FOXP1: variants seen among roughly 807,000 people sequenced by gnomAD.
The protein encoded by FOXP1 is forkhead box protein P1.
Under a neutral mutation model 98.2 loss-of-function variants are expected in FOXP1, and 15 were observed. The ratio of observed to expected loss-of-function variants is 0.15; its 90% confidence interval spans 0.10 to 0.24. FOXP1 has a LOEUF of 0.24. Ranked by LOEUF, FOXP1 falls within the 10% of genes least tolerant of loss-of-function variation. The pLI is 1.00. For missense variants in FOXP1, 633 were observed against 848.5 expected (o/e 0.75, Z 3.15); for synonymous variants, 371 against 314.5 (o/e 1.18, Z -1.90).
intron 2 of FOXP1, among the ~76,000 whole-genome samples, chr3:71,502,980 G>GAA (rs3037713): frequency 0.015 from 2,073 of 141,380 alleles, 33 homozygotes; most frequent in African/African-American, 0.03. Context: ...TTTACAATTA[G>GAA]AAAAAAAAAA....
intron 5 of FOXP1, among the ~76,000 whole-genome samples, chr3:71,261,541 GA>G (rs1187259644): frequency 1.3e-5 from 2 of 152,026 alleles, no homozygotes; most frequent in African/African-American, 2.4e-5. Context: ...AAATTAACAA[GA>G]TTTTTTTTTC....
intron 2 of FOXP1, among the ~76,000 whole-genome samples, chr3:71,549,860 TAAAAAAA>T (rs55826932): frequency 3.3e-5 from 2 of 59,944 alleles, no homozygotes; most frequent in African/African-American, 1.2e-4. Flanking sequence ...ATGCTGGGAG[TAAAAAAA>T]AAAAAAAAAA....
At chr3:71,068,063 C>T (rs913056742) in intron 7 of FOXP1, among the ~76,000 whole-genome samples, 1 of 149,666 alleles carries the variant, frequency 6.7e-6, no homozygotes. Flanking sequence ...GGTAAGCCAA[C>T]GTTTAAGGAA....
chr3:71,385,897 CG>C (rs1186849860), intron 3 of FOXP1, among the ~76,000 whole-genome samples: 1 of 152,150 alleles, frequency 6.6e-6, no homozygotes, highest in Non-Finnish European at 1.5e-5. Flanking sequence ...TGACTATCTT[CG>C]TAACCTCTAG....
chr3:71,513,945 C>T (rs1025120904), intron 2 of FOXP1, among the ~76,000 whole-genome samples: 1 of 152,224 alleles, frequency 6.6e-6, no homozygotes, highest in Non-Finnish European at 1.5e-5. Context: ...GCTTTCTTTC[C>T]ATTTCTAATA....
chr3:71,568,256 G>A (rs889590515), intron 2 of FOXP1, among the ~76,000 whole-genome samples: 1 of 152,260 alleles, frequency 6.6e-6, no homozygotes. Flanking sequence ...TGCTTCCTGA[G>A]GAATTTGAAC....
At chr3:71,213,119 C>T (rs2064626155) in intron 5 of FOXP1, among the ~76,000 whole-genome samples, 2 of 152,042 alleles carry the variant, frequency 1.3e-5, no homozygotes, top group South Asian at 4.1e-4. Flanking sequence ...AATAACACTC[C>T]CAAACAAATG....
intron 5 of FOXP1, among the ~76,000 whole-genome samples, chr3:71,264,057 C>T (rs1229797325): frequency 6.6e-6 from 1 of 152,046 alleles, no homozygotes; most frequent in East Asian, 1.9e-4. Context: ...AGCCAGGAAA[C>T]CCAGATTCAG....
chr3:71,253,978 C>T (rs2068427862), intron 5 of FOXP1, among the ~76,000 whole-genome samples: 1 of 152,112 alleles, frequency 6.6e-6, no homozygotes, highest in African/African-American at 2.4e-5. Context: ...AACATGTACA[C>T]CTTACAAATT....
chr3:71,187,693 G>T (rs1039220125), intron 6 of FOXP1, among the ~76,000 whole-genome samples: 1 of 152,138 alleles, frequency 6.6e-6, no homozygotes, highest in Non-Finnish European at 1.5e-5. Context: ...GAAATTGAAT[G>T]AGAAAAATCA....
chr3:70,990,406 C>T (rs2040425579), intron 13 of FOXP1, among the ~76,000 whole-genome samples: 1 of 152,172 alleles, frequency 6.6e-6, no homozygotes, highest in African/African-American at 2.4e-5. Context: ...ACTAACTGCT[C>T]CTTCCAAAAG....
intron 6 of FOXP1, among the ~76,000 whole-genome samples, chr3:71,181,773 C>T (rs2062310155): frequency 6.6e-6 from 1 of 152,078 alleles, no homozygotes; most frequent in Non-Finnish European, 1.5e-5. Context: ...TGGCTCACGC[C>T]TGTAATCCCA....
At chr3:71,236,202 A>T (rs1360436667) in intron 5 of FOXP1, among the ~76,000 whole-genome samples, 1 of 152,210 alleles carries the variant, frequency 6.6e-6, no homozygotes, top group African/African-American at 2.4e-5. Context: ...TGCAAATCCA[A>T]GTTCTCTAAA....
chr3:70,966,261 G>A, intron 19 of FOXP1: 2 of 593,646 alleles, frequency 3.4e-6, no homozygotes, highest in Admixed American at 2.5e-5. Flanking sequence ...AGCTAACTGG[G>A]GGCCAGGGGG....
intron 2 of FOXP1, among the ~76,000 whole-genome samples, chr3:71,534,919 A>T (rs899615917): frequency 1.3e-5 from 2 of 152,230 alleles, no homozygotes; most frequent in African/African-American, 4.8e-5. Context: ...TATGAGGGAC[A>T]CATACGTGGC....
intron 3 of FOXP1, among the ~76,000 whole-genome samples, chr3:71,463,808 C>T (rs2088412439): frequency 6.6e-6 from 1 of 152,004 alleles, no homozygotes; most frequent in Non-Finnish European, 1.5e-5. Context: ...TTGGCTAGGA[C>T]CAAGAACAGC....
rs535166786 is a variant in FOXP1 at position 71,136,213 on chromosome 3, A to G, written c.181-23576T>C. Among the ~76,000 whole-genome samples, 13 of 152,360 alleles carry G rather than the reference A, an allele frequency of 8.5e-5. No homozygotes were observed. The East Asian group carries it at 2.5e-3, about 29-fold the overall frequency. On this transcript the variant is annotated intron_variant, in intron 6 of 20. Transcript: ENST00000649528. ...AATCTGAGAAGTCTTATCACTGGAA[A>G]TGTGTTATTTTCATATTATTCAAGA... is the stretch of plus-strand genomic sequence containing the variant.
chr3:71,551,135 T>TAA (rs1280846364), intron 2 of FOXP1, among the ~76,000 whole-genome samples: 1 of 152,184 alleles, frequency 6.6e-6, no homozygotes, highest in Non-Finnish European at 1.5e-5. Context: ...GCTTTAGTGT[T>TAA]GAGTTTGGTG....
At chr3:71,354,290 A>AAG (rs549630073) in intron 4 of FOXP1, among the ~76,000 whole-genome samples, 6 of 152,040 alleles carry the variant, frequency 3.9e-5, no homozygotes, top group Non-Finnish European at 8.8e-5. Context: ...GAAAAAAAAA[A>AAG]AGAGAGAGAG....
Sources: gnomAD v4.1 joint callset for allele counts (sites outside exome capture counted in the v4.1 genomes callset) on GRCh38, gnomAD v4.1.1 for gene constraint, MANE v1.5 for transcripts, NCBI Gene and HGNC (gene_info 2026-07-23, HGNC 2026-07-21) for gene names.